The following CPNE4 variants were observed in gnomAD, a reference collection of about 807,000 sequenced individuals.
CPNE4 encodes the protein copine 4.
CPNE4 carries 25 observed loss-of-function variants against 67.9 expected under a neutral mutation model. The ratio of observed to expected loss-of-function variants is 0.37; its 90% CI spans 0.27 to 0.51. The LOEUF is 0.51. Ranked by LOEUF, CPNE4 falls within the 20% of genes least tolerant of loss-of-function variation. The pLI is 0.93. For missense variants in CPNE4, 464 were observed against 690.8 expected, an observed-to-expected ratio of 0.67 and a Z score of 3.68; for synonymous variants, 242 against 244.9, an observed-to-expected ratio of 0.99 and a Z score of 0.11.
At chr3:132,017,873 GT>G (rs2073918913) in intron 1 of CPNE4, 1 of 152,418 alleles carries the variant, frequency 6.6e-6, no homozygotes, top group African/African-American at 2.4e-5. Context: ...GCTCCACGGG[GT>G]GGGGGCAGGG....
At chr3:131,952,652 GTC>G (rs1279679372) in intron 1 of CPNE4, among the ~76,000 whole-genome samples, 1 of 148,906 alleles carries the variant, frequency 6.7e-6, no homozygotes, top group Admixed American at 6.6e-5. Context: ...CAGCCGCCCC[GTC>G]TGGGAGGTGA....
At chr3:131,742,042 G>A (rs1325129489) in intron 2 of CPNE4, among the ~76,000 whole-genome samples, 1 of 152,186 alleles carries the variant, frequency 6.6e-6, no homozygotes, top group Non-Finnish European at 1.5e-5. Context: ...GCAACTGTGA[G>A]GGGTGTGATG....
At chr3:131,875,292 GA>G (rs1194130548) in intron 2 of CPNE4, among the ~76,000 whole-genome samples, 1 of 152,040 alleles carries the variant, frequency 6.6e-6, no homozygotes, top group Non-Finnish European at 1.5e-5. Context: ...TCTAGAACTA[GA>G]AATTCCATTT....
chr3:131,730,468 T>A (rs1466864412), intron 2 of CPNE4, among the ~76,000 whole-genome samples: 5 of 152,202 alleles, frequency 3.3e-5, no homozygotes, highest in African/African-American at 1.2e-4. Context: ...TTATACTATG[T>A]CATTTGTTAT....
rs115328777 is a variant in CPNE4 at position 131,715,241 on chromosome 3, A to C, written c.360+8205T>G. On this transcript the variant is annotated intron_variant, in intron 3 of 15. Coordinates refer to ENST00000429747, the MANE Select transcript of CPNE4 (RefSeq NM_130808.3). ...TTTTTAAGAAGCCATATTATATTTA[A>C]AGTAAATTCAGTAGAGAAGCCCAGA... Among the ~76,000 whole-genome samples the C allele has an allele frequency of 8.3e-3, 1,271 of 152,264 alleles. 10 individuals are homozygous for C. Among genetic ancestry groups the C allele is most frequent in the African/African-American group, 0.03 (1,234 of 41,546 alleles).
At chr3:131,804,229 G>C (rs897297151) in intron 2 of CPNE4, among the ~76,000 whole-genome samples, 27 of 151,906 alleles carry the variant, frequency 1.8e-4, no homozygotes, top group African/African-American at 6.5e-4. Context: ...TTACCAACCT[G>C]TATATCTCGG....
At chr3:131,569,647 A>C (rs1462034736) in intron 10 of CPNE4, among the ~76,000 whole-genome samples, 9 of 142,766 alleles carry the variant, frequency 6.3e-5, no homozygotes. Flanking sequence ...CAAAAAACAA[A>C]AAAAACAAAA....
chr3:131,633,766 A>AT (rs1393802569), intron 7 of CPNE4, among the ~76,000 whole-genome samples: 6 of 147,756 alleles, frequency 4.1e-5, no homozygotes, highest in Non-Finnish European at 5.9e-5. Flanking sequence ...TAACTTTTTT[A>AT]TTTTTAAAAA....
intron 7 of CPNE4, among the ~76,000 whole-genome samples, chr3:131,650,921 C>T (rs972577861): frequency 1.3e-5 from 2 of 152,064 alleles, no homozygotes; most frequent in African/African-American, 4.8e-5. Flanking sequence ...AACCACATCT[C>T]TTTTTCCCAC....
intron 7 of CPNE4, among the ~76,000 whole-genome samples, chr3:131,602,437 G>T (rs894270229): frequency 6.6e-6 from 1 of 152,140 alleles, no homozygotes; most frequent in Non-Finnish European, 1.5e-5. Flanking sequence ...GAGATGGAAG[G>T]GCAATGGGTA....
chr3:131,888,188 T>C (rs1271054696), intron 2 of CPNE4, among the ~76,000 whole-genome samples: 1 of 152,216 alleles, frequency 6.6e-6, no homozygotes, highest in Admixed American at 6.5e-5. Context: ...TCAGGGTAAT[T>C]GTCACATAAC....
At chr3:131,726,526 G>T (rs1490860652) in intron 2 of CPNE4, among the ~76,000 whole-genome samples, 2 of 152,164 alleles carry the variant, frequency 1.3e-5, no homozygotes. Flanking sequence ...ATATTTGAAA[G>T]ATGTTTTAAA....
rs554940169 is a variant in CPNE4, at chr3:132,011,419, T to A, written c.-2+23148A>T. ...CGTTGCTAAGTTTTCCTTGTGGCCC[T>A]TTTAATGATGGAAAGGGAATGGCAA... On this transcript the variant is annotated intron_variant, in intron 1 of 15. Coordinates refer to ENST00000429747, the MANE Select transcript of CPNE4 (RefSeq NM_130808.3). Among the ~76,000 whole-genome samples the A allele has an allele frequency of 2.6e-5, 4 of 152,300 alleles. No individual in the cohort carries two copies. In the South Asian group the frequency reaches 6.2e-4, roughly 24 times the overall value.
intron 2 of CPNE4, among the ~76,000 whole-genome samples, chr3:131,793,007 CTT>C (rs1190513417): frequency 6.6e-6 from 1 of 151,284 alleles, no homozygotes; most frequent in Non-Finnish European, 1.5e-5. Flanking sequence ...ACCACAGTGT[CTT>C]TTGTTTCTAT....
intron 1 of CPNE4, among the ~76,000 whole-genome samples, chr3:131,962,709 C>T (rs1241098585): frequency 6.8e-6 from 1 of 148,012 alleles, no homozygotes; most frequent in Non-Finnish European, 1.5e-5. Context: ...TGGAGAAATG[C>T]ATCTGTGGAA....
chr3:132,027,976 T>C (rs774609549), intron 1 of CPNE4, among the ~76,000 whole-genome samples: 1 of 152,244 alleles, frequency 6.6e-6, no homozygotes, highest in Non-Finnish European at 1.5e-5. Context: ...TGGTAAAGGT[T>C]CTTGGTTATA....
At chr3:131,715,709 T>C (rs1352898632) in intron 3 of CPNE4, among the ~76,000 whole-genome samples, 1 of 152,240 alleles carries the variant, frequency 6.6e-6, no homozygotes, top group African/African-American at 2.4e-5. Context: ...ATGACTCAGT[T>C]CCACTGTCTT....
chr3:131,960,544 G>T (rs2072136124), intron 1 of CPNE4, among the ~76,000 whole-genome samples: 1 of 152,110 alleles, frequency 6.6e-6, no homozygotes, highest in Non-Finnish European at 1.5e-5. Flanking sequence ...ATCATATAGA[G>T]CCTGTTACAA....
chr3:131,708,091 A>AGGCT (rs2081458787), intron 3 of CPNE4, among the ~76,000 whole-genome samples: 1 of 151,872 alleles, frequency 6.6e-6, no homozygotes, highest in African/African-American at 2.4e-5. Context: ...CTATTGGCTT[A>AGGCT]GGGGTCCTGG....
Sources: gnomAD v4.1 joint callset for allele counts (sites outside exome capture counted in the v4.1 genomes callset) on GRCh38, gnomAD v4.1.1 for gene constraint, MANE v1.5 for transcripts, NCBI Gene and HGNC (gene_info 2026-07-23, HGNC 2026-07-21) for gene names.